Variants in PAPPA2 observed in about 807,000 individuals in gnomAD.
PAPPA2 encodes pappalysin-2.
In PAPPA2, 86 loss-of-function variants were observed where a neutral mutation model predicts 176.4. That is an observed-to-expected ratio of 0.49 (90% CI 0.41 to 0.58). The LOEUF (loss-of-function observed/expected upper bound fraction) is 0.58. Ranked by LOEUF, PAPPA2 falls within the 20% of genes least tolerant of loss-of-function variation. The pLI is 0.00. For missense variants in PAPPA2, 2,073 were observed against 2,256.9 expected (o/e 0.92, Z 1.65); for synonymous variants, 809 against 852.2 (o/e 0.95, Z 0.88).
chr1:176,685,732 C>A (rs981432809), intron 4 of PAPPA2, among the ~76,000 whole-genome samples: 1 of 152,208 alleles, frequency 6.6e-6, no homozygotes, highest in Non-Finnish European at 1.5e-5. Flanking sequence ...GGGATTGCCA[C>A]TCTAACCACT....
At chr1:176,696,318 G>A (rs1182767680) in intron 7 of PAPPA2, among the ~76,000 whole-genome samples, 1 of 147,144 alleles carries the variant, frequency 6.8e-6, no homozygotes, top group African/African-American at 2.5e-5. Context: ...GTGGGGGTGG[G>A]GGGACCGCAG....
chr1:176,604,047 C>A (rs1250402860), intron 3 of PAPPA2, among the ~76,000 whole-genome samples: 2 of 152,188 alleles, frequency 1.3e-5, no homozygotes, highest in African/African-American at 4.8e-5. Flanking sequence ...TTCTGACTTG[C>A]CAGATGTACT....
At chr1:176,695,966 A>ATG (rs67178111) in intron 7 of PAPPA2, 107 bp downstream of exon 7, 64,509 of 859,020 alleles carry the variant, frequency 0.075, 2,440 homozygotes, top group African/African-American at 0.25. Flanking sequence ...ATGTATGTGT[A>ATG]TGTGTGTGTG....
chr1:176,772,586 C>T (rs959546982), intron 17 of PAPPA2, among the ~76,000 whole-genome samples: 3 of 152,174 alleles, frequency 2.0e-5, no homozygotes, highest in South Asian at 2.1e-4. Context: ...AGCCCATACC[C>T]TGCCCTTTCC....
chr1:176,791,687 G>C (rs979672593), intron 19 of PAPPA2, among the ~76,000 whole-genome samples: 1 of 152,078 alleles, frequency 6.6e-6, no homozygotes, highest in Non-Finnish European at 1.5e-5. Context: ...CCAAGTAGCT[G>C]GGACTACATA....
At chr1:176,579,481 A>T (rs964708736) in intron 2 of PAPPA2, among the ~76,000 whole-genome samples, 1 of 152,298 alleles carries the variant, frequency 6.6e-6, no homozygotes, top group East Asian at 1.9e-4. Context: ...ACAGGGAGAC[A>T]TAAACAGCTG....
chr1:176,651,201 C>T (rs1657700199), intron 3 of PAPPA2, among the ~76,000 whole-genome samples: 4 of 151,398 alleles, frequency 2.6e-5, no homozygotes, highest in Admixed American at 2.0e-4. Context: ...CTGCATTTTT[C>T]AGTATACTTA....
intron 1 of PAPPA2, among the ~76,000 whole-genome samples, chr1:176,510,238 A>C (rs1275165928): frequency 2.7e-5 from 4 of 148,974 alleles, no homozygotes; most frequent in Non-Finnish European, 4.4e-5. Flanking sequence ...TTTAAAAAGC[A>C]GATAGGGGTG....
rs192777634 is a variant in PAPPA2 at position 176,610,450 on chromosome 1, T to C, written c.1991+14855T>C. Among the ~76,000 whole-genome samples, 7 of 152,168 alleles carry C rather than the reference T, an allele frequency of 4.6e-5. No individual in the cohort carries two copies. In the East Asian group the frequency reaches 1.4e-3, roughly 29 times the overall value. On this transcript the variant is annotated intron_variant, in intron 3 of 22. Coordinates refer to ENST00000367662, the MANE Select transcript of PAPPA2 (RefSeq NM_020318.3). Reference sequence around the variant, plus strand: ...ATGTTTGCAGCATTCAGTGGGAAAATAATCATGGATGTTGGGTGGCTGTAA... The same window carrying C: ...ATGTTTGCAGCATTCAGTGGGAAAACAATCATGGATGTTGGGTGGCTGTAA...
intron 3 of PAPPA2, among the ~76,000 whole-genome samples, chr1:176,630,033 T>G (rs575928958): frequency 6.6e-6 from 1 of 152,096 alleles, no homozygotes; most frequent in Non-Finnish European, 1.5e-5. Flanking sequence ...CACTCCAGCC[T>G]GGGGGACAAG....
chr1:176,702,793 GAGAGAGA>G, intron 9 of PAPPA2, 58 bp downstream of exon 9: 1 of 1,571,140 alleles, frequency 6.4e-7, no homozygotes, highest in Non-Finnish European at 8.7e-7. Context: ...GAGAGAGAGA[GAGAGAGA>G]GAGGGAGGGA....
chr1:176,774,576 T>C (rs1281760370), intron 17 of PAPPA2, among the ~76,000 whole-genome samples: 1 of 152,120 alleles, frequency 6.6e-6, no homozygotes, highest in Non-Finnish European at 1.5e-5. Flanking sequence ...TTTCTCTCCA[T>C]CCCTGCTGCC....
At chr1:176,714,289 C>T (rs947389908) in intron 12 of PAPPA2, among the ~76,000 whole-genome samples, 1 of 152,072 alleles carries the variant, frequency 6.6e-6, no homozygotes, top group Non-Finnish European at 1.5e-5. Flanking sequence ...ATGCTCCAAA[C>T]CCCTAATGTT....
intron 4 of PAPPA2, among the ~76,000 whole-genome samples, chr1:176,689,383 G>A (rs978726599): frequency 1.1e-4 from 16 of 152,150 alleles, no homozygotes; most frequent in Non-Finnish European, 1.9e-4. Context: ...TGTTCTCATG[G>A]AGATTTAGGG....
intron 4 of PAPPA2, among the ~76,000 whole-genome samples, chr1:176,671,392 C>T (rs115026147): frequency 0.019 from 2,825 of 152,274 alleles, 54 homozygotes; most frequent in African/African-American, 0.049. Context: ...AGAATAAGAT[C>T]ATTTTAAGTC....
At position 176,690,347 on chromosome 1, in the gene PAPPA2, G is replaced by A; in HGVS notation, c.2348G>A (p.Cys783Tyr). 6.2e-7 allele frequency: 1 copy of A among 1,614,192 alleles called. No homozygotes were observed. Among genetic ancestry groups the A allele is most frequent in the Non-Finnish European group, 8.5e-7 (1 of 1,180,030 alleles). The change falls in exon 5 of 23, where the codon TGC becomes TAC. Residue 783 changes from cysteine to tyrosine, a missense_variant. Transcript: ENST00000367662. ...DTAPTPKSEL[C>Y]REPEPTSDTC... ...GCCCCCACTCCCAAGAGTGAGCTGT[G>A]CCGGGAACCAGAGCCCACTAGTGAC...
At chr1:176,807,497 C>CTTTTT (rs1156629514) in intron 21 of PAPPA2, among the ~76,000 whole-genome samples, 2 of 137,774 alleles carry the variant, frequency 1.5e-5, no homozygotes, top group Non-Finnish European at 1.6e-5. Flanking sequence ...TTCTTTCTTT[C>CTTTTT]TTTTTTTTTT....
intron 1 of PAPPA2, chr1:176,537,176 AG>A (rs1307372489): frequency 1.3e-5 from 2 of 152,208 alleles, no homozygotes; most frequent in African/African-American, 4.8e-5. Flanking sequence ...CTAATAATGA[AG>A]GGTAAGCATG....
chr1:176,833,199 GA>G (rs1667145352), intron 21 of PAPPA2, among the ~76,000 whole-genome samples: 1 of 152,124 alleles, frequency 6.6e-6, no homozygotes, highest in Admixed American at 6.5e-5. Context: ...ACTGTTAGCC[GA>G]AAACACAGAA....
Sources: gnomAD v4.1 joint callset for allele counts (sites outside exome capture counted in the v4.1 genomes callset) on GRCh38, gnomAD v4.1.1 for gene constraint, MANE v1.5 for transcripts, NCBI Gene and HGNC (gene_info 2026-07-23, HGNC 2026-07-21) for gene names.